Variants in PLOD2 observed in about 807,000 individuals in gnomAD.
PLOD2 encodes the protein lysine hydroxylase 2.
Under a neutral mutation model 101.0 loss-of-function variants are expected in PLOD2, and 65 were observed. That is an observed-to-expected ratio of 0.64 (90% CI 0.53 to 0.79). The LOEUF is 0.79. Ranked by LOEUF, PLOD2 falls within the 30% of genes least tolerant of loss-of-function variation. The pLI, the probability that PLOD2 is intolerant of heterozygous loss-of-function variation, is 0.00. For missense variants in PLOD2, 909 were observed against 914.6 expected, an observed-to-expected ratio of 0.99 and a Z score of 0.08; for synonymous variants, 314 against 302.9, an observed-to-expected ratio of 1.04 and a Z score of -0.38.
chr3:146,144,489 CAGAA>C (rs57271004), intron 1 of PLOD2, among the ~76,000 whole-genome samples: 67,001 of 151,422 alleles, frequency 0.44, 14,857 homozygotes, highest in East Asian at 0.56. Context: ...TAACAAGAGA[CAGAA>C]AGAGTACATA....
intron 13 of PLOD2, 27 bp downstream of exon 13, chr3:146,079,089 C>G (rs763990436): frequency 1.2e-6 from 2 of 1,608,752 alleles, no homozygotes; most frequent in Non-Finnish European, 1.7e-6. Flanking sequence ...TAAGAACATT[C>G]AAGCAAGCCA....
rs760876151 is a variant in PLOD2 at position 146,079,159 on chromosome 3, T to C, written c.1457A>G (p.Lys486Arg). 281 of 1,612,742 alleles carry C rather than the reference T, an allele frequency of 1.7e-4. No individual in the cohort carries two copies. The highest frequency in any genetic ancestry group is 2.3e-4 in the Non-Finnish European group (268 of 1,179,014). Residue 486 changes from lysine to arginine, a missense_variant, in exon 13 of 20, where the codon AAA becomes AGA. Transcript: ENST00000282903. ...MNERNYFVRD[K>R]LDPDMALCRN... ...GCAAAGAGCCATATCAGGATCCAGT[T>C]TATCACGAACAAAATAGTTCCTTTC...
At position 146,071,271 on chromosome 3, in the gene PLOD2, A is replaced by G. The variant is rs775236430; in HGVS notation, c.1995+6T>C. On this transcript the variant is annotated splice_donor_region_variant and intron_variant, in intron 18 of 19. Coordinates refer to ENST00000282903, the MANE Select transcript of PLOD2 (RefSeq NM_182943.3). ...AAATAGGCTGGAGGGGTGAGAGGAT[A>G]ACTACCTTCGTATAATAGCCTGCAA... 1.9e-5 allele frequency: 30 copies of G among 1,611,812 alleles called. No individual in the cohort carries two copies. Among genetic ancestry groups the G allele is most frequent in the Non-Finnish European group, 2.3e-5 (27 of 1,178,580 alleles).
At chr3:146,150,776 A>C (rs1263259683) in intron 1 of PLOD2, among the ~76,000 whole-genome samples, 3 of 152,218 alleles carry the variant, frequency 2.0e-5, no homozygotes, top group Non-Finnish European at 4.4e-5. Flanking sequence ...AATTTATTTG[A>C]CTTAAAGGTC....
intron 17 of PLOD2, 54 bp downstream of exon 17, chr3:146,072,507 T>A: frequency 9.5e-7 from 1 of 1,055,110 alleles, no homozygotes; most frequent in Non-Finnish European, 1.5e-6. Context: ...ATTCTCTGAG[T>A]ATCTACTTAA....
chr3:146,127,178 A>G (rs1460877808), intron 1 of PLOD2, among the ~76,000 whole-genome samples: 1 of 152,138 alleles, frequency 6.6e-6, no homozygotes, highest in African/African-American at 2.4e-5. Context: ...TTATTTATTT[A>G]AATTTCATTT....
At chr3:146,122,130 A>C (rs1436351320) in intron 2 of PLOD2, among the ~76,000 whole-genome samples, 1 of 152,238 alleles carries the variant, frequency 6.6e-6, no homozygotes, top group Non-Finnish European at 1.5e-5. Flanking sequence ...ACTTTACTTA[A>C]TACTGAGCCG....
At chr3:146,098,022 A>T (rs1937265222) in intron 7 of PLOD2, among the ~76,000 whole-genome samples, 1 of 151,986 alleles carries the variant, frequency 6.6e-6, no homozygotes, top group African/African-American at 2.4e-5. Flanking sequence ...GGACACAGGG[A>T]GGGGAACATC....
chr3:146,124,643 C>T (rs193069974), intron 1 of PLOD2, among the ~76,000 whole-genome samples: 2 of 130,878 alleles, frequency 1.5e-5, no homozygotes, highest in African/African-American at 5.9e-5. Flanking sequence ...AAATTACATT[C>T]ATCAAAATAA....
chr3:146,096,436 G>C lies in PLOD2; in HGVS notation c.778-4535C>G, dbSNP rs1324206134. 3.6e-5 allele frequency among the ~76,000 whole-genome samples: 4 copies of C among 112,380 alleles called. No individual in the cohort carries two copies. The East Asian group carries it at 8.7e-4, about 25-fold the overall frequency. 73.7% of individuals were successfully genotyped at this position (112,380 alleles called of 152,430 possible). A position where few individuals can be genotyped will look rare whatever the true frequency, so the allele number is the denominator to read the frequency against. On this transcript the variant is annotated intron_variant, in intron 7 of 19. Coordinates refer to ENST00000282903, the MANE Select transcript of PLOD2 (RefSeq NM_182943.3). ...CCGGCCGCCATCCCATCTAGGAAGC[G>C]AGGAGCGCCTCTTCCCCGCCGCCAT... is the stretch of plus-strand genomic sequence containing the variant.
chr3:146,072,710 T>A, intron 16 of PLOD2, 45 bp from the exon 17 acceptor site: 1 of 1,129,108 alleles, frequency 8.9e-7, no homozygotes, highest in Non-Finnish European at 1.3e-6. Context: ...AACTTCTGTG[T>A]CTTAATAGTC....
In PLOD2 at chr3:146,079,123, C is replaced by G; in HGVS notation, c.1493G>C (p.Arg498Thr). The G allele has an allele frequency of 1.2e-6, 2 of 1,612,684 alleles. No individual in the cohort carries two copies. The highest frequency in any genetic ancestry group is 8.5e-7 in the Non-Finnish European group (1 of 1,178,920). Residue 498 changes from arginine to threonine, a missense_variant, in exon 13 of 20, where the codon AGA becomes ACA. By Grantham distance (71) the Arg-to-Thr change is moderately conservative. Coordinates refer to ENST00000282903, the MANE Select transcript of PLOD2 (RefSeq NM_182943.3). ...DPDMALCRNA[R>T]EMTLQREKDS... ...CATCACTGCATATCTTACCATTTCT[C>G]TAGCATTTCGGCAAAGAGCCATATC...
chr3:146,146,508 C>A (rs938677205), intron 1 of PLOD2, among the ~76,000 whole-genome samples: 2 of 151,864 alleles, frequency 1.3e-5, no homozygotes, highest in African/African-American at 4.8e-5. Context: ...GGGAGGAGGG[C>A]GGGTGGACGG....
intron 19 of PLOD2, 55 bp from the exon 20 acceptor site, chr3:146,070,927 T>C: frequency 6.5e-7 from 1 of 1,541,002 alleles, no homozygotes; most frequent in Non-Finnish European, 8.9e-7. Flanking sequence ...AGTGGCAAAA[T>C]TCAAATTATG....
intron 7 of PLOD2, among the ~76,000 whole-genome samples, chr3:146,100,719 A>C (rs756173544): frequency 3.3e-5 from 5 of 152,182 alleles, no homozygotes; most frequent in Non-Finnish European, 5.9e-5. Context: ...GAGGGTGTGC[A>C]TGTGTAGGGT....
intron 7 of PLOD2, among the ~76,000 whole-genome samples, chr3:146,101,797 T>C (rs1937397971): frequency 6.6e-6 from 1 of 152,054 alleles, no homozygotes; most frequent in African/African-American, 2.4e-5. Flanking sequence ...AATGAGGAGA[T>C]GACAGAGCTG....
chr3:146,111,721 TA>T (rs11425603), intron 3 of PLOD2, among the ~76,000 whole-genome samples: 1 of 150,148 alleles, frequency 6.7e-6, no homozygotes, highest in South Asian at 2.1e-4. Flanking sequence ...CCCTGTTTAT[TA>T]AAAAAAAAAC....
In PLOD2 at chr3:146,155,329, A is replaced by ATATT. The variant is rs1553743352; in HGVS notation, c.109+5551_109+5552insAATA. Among the ~76,000 whole-genome samples the ATATT allele has an allele frequency of 5.3e-5, 8 of 150,744 alleles. No individual in the cohort carries two copies. In the East Asian group the frequency reaches 1.6e-3, roughly 30 times the overall value. On this transcript the variant is annotated intron_variant, in intron 1 of 19. Coordinates refer to ENST00000282903, the MANE Select transcript of PLOD2 (RefSeq NM_182943.3). ...ACAGAGTGAGACCCTGTCTATAAAT[A>ATATT]AATTAATTAATTAATTAATTAAATA...
intron 1 of PLOD2, among the ~76,000 whole-genome samples, chr3:146,127,175 T>C (rs1207347499): frequency 3.9e-5 from 6 of 152,214 alleles, no homozygotes; most frequent in African/African-American, 1.4e-4. Context: ...TTATTATTTA[T>C]TTAAATTTCA....
Sources: gnomAD v4.1 joint callset for allele counts (sites outside exome capture counted in the v4.1 genomes callset) on GRCh38, gnomAD v4.1.1 for gene constraint, MANE v1.5 for transcripts, NCBI Gene and HGNC (gene_info 2026-07-23, HGNC 2026-07-21) for gene names.